The following STX3 variants were observed in gnomAD, a reference collection of about 807,000 sequenced individuals.
STX3 encodes syntaxin 3.
Under a neutral mutation model 40.2 loss-of-function variants are expected in STX3, and 19 were observed. That is an observed-to-expected ratio of 0.47 (90% CI 0.33 to 0.69). The LOEUF (loss-of-function observed/expected upper bound fraction) is 0.69, where lower values mean the gene tolerates loss of function less well. STX3 is among the 30% of genes least tolerant of loss of function. The pLI is 0.02. For missense variants in STX3, 364 were observed against 366.7 expected (o/e 0.99, Z 0.06); for synonymous variants, 122 against 132.2 (o/e 0.92, Z 0.53).
At chr11:59,775,103 T>C (rs1863884883) in intron 2 of STX3, among the ~76,000 whole-genome samples, 1 of 152,170 alleles carries the variant, frequency 6.6e-6, no homozygotes, top group Non-Finnish European at 1.5e-5. Flanking sequence ...GTTTTTTTTC[T>C]GAAAGGAATG....
Position 59,797,482 on chromosome 11 carries a change from C to G in STX3, c.*30+86C>G. On this transcript the variant is annotated intron_variant, in intron 10 of 10. Transcript: ENST00000337979. ...GGGATTTCAAATTCCTCTTCTTTCCCCCTATGATTGTCCTTGGACACACTG... is the reference window on the plus strand; with the variant it reads ...GGGATTTCAAATTCCTCTTCTTTCCGCCTATGATTGTCCTTGGACACACTG... 3.0e-6 allele frequency: 3 copies of G among 991,642 alleles called. No individual in the cohort carries two copies. The East Asian group carries it at 7.4e-5, about 24-fold the overall frequency. The allele number at this position is 991,642 out of a possible 1,614,324, so 61.4% of individuals were successfully genotyped here.
rs1262780812 is a variant in STX3, at chr11:59,805,854, C to T, written c.*5030C>T. ...GATTGTGAGAAGATGGGTAGCTGGG[C>T]ATCAATAAATATTGAATCAATTGAC... On this transcript the variant is annotated 3_prime_UTR_variant, in exon 11 of 11. Coordinates refer to ENST00000337979, the MANE Select transcript of STX3 (RefSeq NM_004177.5). 7.8e-5 allele frequency: 12 copies of T among 153,128 alleles called. No individual in the cohort carries two copies. The highest frequency in any genetic ancestry group is 2.6e-4 in the Admixed American group (4 of 15,432). 9.5% of individuals were successfully genotyped at this position (153,128 alleles called of 1,614,324 possible). A position where few individuals can be genotyped will look rare whatever the true frequency, so the allele number is the denominator to read the frequency against.
At chr11:59,792,346 A>G in intron 6 of STX3, 131 bp downstream of exon 6, 1 of 679,576 alleles carries the variant, frequency 1.5e-6, no homozygotes, top group East Asian at 2.7e-5. Context: ...CTCCTGCACC[A>G]CTGGCACATC....
In STX3 at chr11:59,801,226, AT is replaced by A; in HGVS notation, c.*409del. ...AGTATTCTCCCAGAAACTGCAATGT[AT>A]TTTTTTAGGGGAGTATCTTTAACAA... On this transcript the variant is annotated 3_prime_UTR_variant, in exon 11 of 11. Transcript: ENST00000337979. 2.8e-6 allele frequency: 3 copies of A among 1,085,320 alleles called. No individual in the cohort carries two copies. The highest frequency in any genetic ancestry group is 6.1e-5 in the East Asian group (1 of 16,494). The allele number at this position is 1,085,320 out of a possible 1,614,324, so 67.2% of individuals were successfully genotyped here.
At chr11:59,770,073 A>G (rs1164871111) in intron 1 of STX3, among the ~76,000 whole-genome samples, 1 of 137,150 alleles carries the variant, frequency 7.3e-6, no homozygotes, top group Non-Finnish European at 1.6e-5. Flanking sequence ...ATATGTGTAG[A>G]GTGGGTGTTG....
Position 59,801,354 on chromosome 11 carries a change from A to G in STX3, c.*530A>G. ...TTTGTTGTCCGTATGTCCTGAAAAC[A>G]TGAGGGACTGGCAGATGTCATTTTG... On this transcript the variant is annotated 3_prime_UTR_variant, in exon 11 of 11. Coordinates refer to ENST00000337979, the MANE Select transcript of STX3 (RefSeq NM_004177.5). 3 of 989,454 alleles carry G rather than the reference A, an allele frequency of 3.0e-6. No individual in the cohort carries two copies. The highest frequency in any genetic ancestry group is 5.2e-4 in the Middle Eastern group (1 of 1,922). 61.3% of individuals were successfully genotyped at this position (989,454 alleles called of 1,614,324 possible). A position where few individuals can be genotyped will look rare whatever the true frequency, so the allele number is the denominator to read the frequency against.
rs1367548834 is a variant in STX3, at chr11:59,804,561, T to G, written c.*3737T>G. 1 of 152,192 alleles carries G rather than the reference T, an allele frequency of 6.6e-6. No homozygotes were observed. Among genetic ancestry groups the G allele is most frequent in the East Asian group, 1.9e-4 (1 of 5,186 alleles). 9.4% of individuals were successfully genotyped at this position (152,192 alleles called of 1,614,324 possible). On this transcript the variant is annotated 3_prime_UTR_variant, in exon 11 of 11. Transcript: ENST00000337979. ...GCCGCTTGGGAATGGGCTGATCTGC[T>G]TATGCAAAAATGCTACCAACCTTTC...
intron 1 of STX3, among the ~76,000 whole-genome samples, chr11:59,765,353 T>TG (rs1863229994): frequency 6.6e-6 from 1 of 152,164 alleles, no homozygotes; most frequent in South Asian, 2.1e-4. Context: ...GAAGAGGGAC[T>TG]GGAAAGACCA....
chr11:59,773,258 C>A lies in STX3; in HGVS notation c.78C>A (p.Ile26=), dbSNP rs376688869. ...ATACTGATGCGGTTGAGATTGCTATCGACAACACGGCTTTTATGGACGAGT... is the reference window on the plus strand; with the variant it reads ...ATACTGATGCGGTTGAGATTGCTATAGACAACACGGCTTTTATGGACGAGT... ...DDDTDAVEIA[I]DNTAFMDEFF... The change falls in exon 2 of 11, where the codon ATC becomes ATA. Residue 26 remains isoleucine (I), a synonymous_variant. Transcript: ENST00000337979. 1.9e-6 allele frequency: 3 copies of A among 1,613,994 alleles called. No individual in the cohort carries two copies. Among genetic ancestry groups the A allele is most frequent in the Admixed American group, 1.7e-5 (1 of 60,006 alleles).
In STX3 at chr11:59,804,994, T is replaced by G. The variant is rs1274689239; in HGVS notation, c.*4170T>G. 6.6e-6 allele frequency: 1 copy of G among 152,060 alleles called. No homozygotes were observed. The highest frequency in any genetic ancestry group is 6.5e-5 in the Admixed American group (1 of 15,268). 9.4% of individuals were successfully genotyped at this position (152,060 alleles called of 1,614,324 possible). A position where few individuals can be genotyped will look rare whatever the true frequency, so the allele number is the denominator to read the frequency against. ...AGGTGGATCACCAGACTGACCAACA[T>G]AGTGAAACCCCCTCTCTACAAAAAA... On this transcript the variant is annotated 3_prime_UTR_variant, in exon 11 of 11. Transcript: ENST00000337979.
In STX3 at chr11:59,801,240, G is replaced by T; in HGVS notation, c.*416G>T. ...AACTGCAATGTATTTTTTTAGGGGA[G>T]TATCTTTAACAAAGCAGAATGATTC... On this transcript the variant is annotated 3_prime_UTR_variant, in exon 11 of 11. Coordinates refer to ENST00000337979, the MANE Select transcript of STX3 (RefSeq NM_004177.5). 1 of 1,058,712 alleles carries T rather than the reference G, an allele frequency of 9.4e-7. No individual in the cohort carries two copies. 65.6% of individuals were successfully genotyped at this position (1,058,712 alleles called of 1,614,324 possible).
At chr11:59,757,022 G>A (rs1856887036) in intron 1 of STX3, among the ~76,000 whole-genome samples, 1 of 152,202 alleles carries the variant, frequency 6.6e-6, no homozygotes, top group African/African-American at 2.4e-5. Context: ...GAAGCAAAGG[G>A]ACAGTTGCCT....
At chr11:59,756,173 C>G (rs888430133) in intron 1 of STX3, among the ~76,000 whole-genome samples, 5 of 152,096 alleles carry the variant, frequency 3.3e-5, no homozygotes, top group Non-Finnish European at 2.9e-5. Flanking sequence ...GTCCCCCCCT[C>G]CCCCGCCGTA....
chr11:59,783,762 T>A (rs1329693873), intron 2 of STX3, among the ~76,000 whole-genome samples: 5 of 152,154 alleles, frequency 3.3e-5, no homozygotes, highest in African/African-American at 1.2e-4. Context: ...CCAGTACTTC[T>A]AAGAAAAAGC....
intron 2 of STX3, among the ~76,000 whole-genome samples, chr11:59,783,884 A>G (rs1207169391): frequency 6.6e-6 from 1 of 152,248 alleles, no homozygotes; most frequent in Non-Finnish European, 1.5e-5. Context: ...CTGTGAAATC[A>G]GATTCCCTGA....
chr11:59,790,251 A>C (rs1865043642), intron 4 of STX3, among the ~76,000 whole-genome samples: 1 of 152,220 alleles, frequency 6.6e-6, no homozygotes, highest in Non-Finnish European at 1.5e-5. Context: ...TCAAAGTCAC[A>C]CCCAGTAAGT....
Position 59,795,754 on chromosome 11 carries a change from T to C in STX3, c.786+272T>C, listed in dbSNP as rs771479159. The C allele has an allele frequency of 1.0e-5, 15 of 1,505,596 alleles. 1 individual carries two copies. The South Asian group carries it at 1.8e-4, about 18-fold the overall frequency. The allele number at this position is 1,505,596 out of a possible 1,614,324, so 93.3% of individuals were successfully genotyped here. A position where few individuals can be genotyped will look rare whatever the true frequency, so the allele number is the denominator to read the frequency against. On this transcript the variant is annotated intron_variant, in intron 9 of 10. Transcript: ENST00000337979. Reference sequence around the variant, plus strand: ...CAACTGTCCTTCGTCTCAGCTGTCTTACTAGTATCTCTTCTCCCTGGCCAC... The same window carrying C: ...CAACTGTCCTTCGTCTCAGCTGTCTCACTAGTATCTCTTCTCCCTGGCCAC...
At chr11:59,793,316 G>A (rs1401654433) in intron 7 of STX3, 64 bp from the exon 8 acceptor site, 10 of 1,602,764 alleles carry the variant, frequency 6.2e-6, no homozygotes, top group Non-Finnish European at 8.5e-6. Context: ...GCGTGCATGA[G>A]GGCTGTGGCA....
At chr11:59,786,280 T>C (rs1284256332) in intron 2 of STX3, among the ~76,000 whole-genome samples, 4 of 149,886 alleles carry the variant, frequency 2.7e-5, no homozygotes, top group Non-Finnish European at 5.9e-5. Context: ...CGCTGTGTCG[T>C]CCAGGCTGGA....
Sources: allele counts gnomAD v4.1 joint callset (sites outside exome capture counted in the v4.1 genomes callset), GRCh38; gene constraint gnomAD v4.1.1; transcripts MANE v1.5; gene names NCBI Gene and HGNC (gene_info 2026-07-23, HGNC 2026-07-21).